Variants in LRWD1 observed in about 807,000 individuals in gnomAD.
LRWD1 encodes the protein leucine-rich repeat and WD repeat-containing protein 1.
In LRWD1, 76 loss-of-function variants were observed where a neutral mutation model predicts 75.6. The ratio of observed to expected loss-of-function variants is 1.01; its 90% CI spans 0.84 to 1.22. LRWD1 has a LOEUF of 1.22. Ranked by LOEUF, LRWD1 falls within the 50% of genes most tolerant of loss-of-function variation. The pLI is 0.00. For synonymous variants in LRWD1, 487 were observed against 377.0 expected (o/e 1.29, Z -3.38); for missense variants, 917 against 862.0 (o/e 1.06, Z -0.80).
At chr7:102,465,657 G>T in intron 1 of LRWD1, 160 bp from the exon 2 acceptor site, 1 of 623,420 alleles carries the variant, frequency 1.6e-6, no homozygotes, top group Non-Finnish European at 2.8e-6. Flanking sequence ...AGGCGACTGA[G>T]TGACACCCCG....
chr7:102,469,516 G>A lies in LRWD1; in HGVS notation c.1229-58G>A. 1.9e-6 allele frequency: 3 copies of A among 1,595,206 alleles called. No individual in the cohort carries two copies. The South Asian group carries it at 3.3e-5, about 18-fold the overall frequency. On this transcript the variant is annotated intron_variant, in intron 9 of 14. Coordinates refer to ENST00000292616, the MANE Select transcript of LRWD1 (RefSeq NM_152892.3). ...GTGGGCTCAGCCTGGGATGCAGCCA[G>A]CAGGAGGGAGCAGGGTCATCTCAGG...
intron 4 of LRWD1, 45 bp downstream of exon 4, chr7:102,467,524 C>T (rs1798047661): frequency 1.9e-6 from 3 of 1,602,506 alleles, no homozygotes; most frequent in Non-Finnish European, 2.6e-6. Flanking sequence ...GCTCTCGTAT[C>T]TCTAGCTGCC....
intron 11 of LRWD1, 95 bp from the exon 12 acceptor site, chr7:102,472,122 GC>G (rs1798211108): frequency 2.2e-5 from 25 of 1,114,310 alleles, no homozygotes; most frequent in Non-Finnish European, 3.1e-5. Flanking sequence ...TTCACACAGG[GC>G]AGGGTCCCCA....
chr7:102,468,530 G>T (rs771720783), intron 7 of LRWD1, 24 bp from the exon 8 acceptor site: 2 of 1,556,314 alleles, frequency 1.3e-6, no homozygotes, highest in Admixed American at 3.9e-5. Flanking sequence ...CTGCTCATCC[G>T]ACCTCTCAAA....
At chr7:102,467,286 G>A in intron 3 of LRWD1, 53 bp from the exon 4 acceptor site, 1 of 1,536,750 alleles carries the variant, frequency 6.5e-7, no homozygotes, top group Non-Finnish European at 8.8e-7. Context: ...TGGAGGGCTG[G>A]GTCCGGAGGA....
At position 102,465,001 on chromosome 7, in the gene LRWD1, G is replaced by C; in HGVS notation, c.-80G>C. On this transcript the variant is annotated 5_prime_UTR_variant, in exon 1 of 15. Coordinates refer to ENST00000292616, the MANE Select transcript of LRWD1 (RefSeq NM_152892.3). ...CTGGGCTCAGTTACCGCGGACGCCA[G>C]TGCCGGGCTCCAGGAGACGCAGGGC... The C allele has an allele frequency of 7.3e-7, 1 of 1,366,968 alleles. No individual in the cohort carries two copies. Among genetic ancestry groups the C allele is most frequent in the Non-Finnish European group, 9.5e-7 (1 of 1,054,286 alleles). 84.7% of individuals were successfully genotyped at this position (1,366,968 alleles called of 1,614,324 possible). A position where few individuals can be genotyped will look rare whatever the true frequency, so the allele number is the denominator to read the frequency against.
chr7:102,472,153 C>T, intron 11 of LRWD1, 65 bp from the exon 12 acceptor site: 2 of 1,458,324 alleles, frequency 1.4e-6, no homozygotes, highest in Non-Finnish European at 1.9e-6. Flanking sequence ...CTGCAGATGC[C>T]TGGGTGAGTG....
chr7:102,465,488 G>GTTTTTTTTTTTTTTTTTTTTTT (rs1797932813), intron 1 of LRWD1: 1 of 107,646 alleles, frequency 9.3e-6, no homozygotes, highest in African/African-American at 5.0e-5. Context: ...AGTAGTTGCA[G>GTTTTTTTTTTTTTTTTTTTTTT]CTTTTTTTTT....
In LRWD1 at chr7:102,472,506, G is replaced by A. The variant is rs936391919; in HGVS notation, c.1587G>A (p.Thr529=). ...GTICLWSWRQ[T]WGGRGSQSTV... ...TCTGCCTGTGGAGCTGGAGGCAGAC[G>A]TGGGGGGGCCGGGGCAGCCAGTCCA... The change falls in exon 13 of 15, where the codon ACG becomes ACA. Residue 529 remains threonine, a synonymous_variant. Coordinates refer to ENST00000292616, the MANE Select transcript of LRWD1 (RefSeq NM_152892.3). 41 of 1,553,012 alleles carry A rather than the reference G, an allele frequency of 2.6e-5. No homozygotes were observed. Among genetic ancestry groups the A allele is most frequent in the Non-Finnish European group, 3.0e-5 (35 of 1,149,746 alleles).
At position 102,472,318 on chromosome 7, in the gene LRWD1, G is replaced by A; in HGVS notation, c.1534+9G>A. The A allele has an allele frequency of 1.3e-6, 2 of 1,565,300 alleles. No homozygotes were observed. Among genetic ancestry groups the A allele is most frequent in the Non-Finnish European group, 1.7e-6 (2 of 1,153,556 alleles). The stretch of plus-strand genomic sequence containing the variant: ...GAATGAGGACATCGTGGGTGAGTGA[G>A]CTCAGCTTGTGGGACAGCCTGGCCT... On this transcript the variant is annotated intron_variant, in intron 12 of 14. Transcript: ENST00000292616.
At position 102,465,117 on chromosome 7, in the gene LRWD1, G is replaced by A; in HGVS notation, c.37G>A (p.Gly13Arg). The change falls in exon 1 of 15, where the codon GGG (glycine) becomes AGG (arginine). Residue 13 changes from glycine (G) to arginine (R), a missense_variant. Coordinates refer to ENST00000292616, the MANE Select transcript of LRWD1 (RefSeq NM_152892.3). Reference protein sequence around the residue: ...PLSARLLMQRGRPKSDRLGKI... With the variant: ...PLSARLLMQRRRPKSDRLGKI... ...CTCGGCGCGGCTGCTAATGCAGCGCGGGCGCCCCAAGAGCGACCGGCTGGG... is the reference window on the plus strand; with the variant it reads ...CTCGGCGCGGCTGCTAATGCAGCGCAGGCGCCCCAAGAGCGACCGGCTGGG... 6.6e-7 allele frequency: 1 copy of A among 1,514,712 alleles called. No homozygotes were observed. Among genetic ancestry groups the A allele is most frequent in the Non-Finnish European group, 8.8e-7 (1 of 1,135,518 alleles). 93.8% of individuals were successfully genotyped at this position (1,514,712 alleles called of 1,614,324 possible).
At position 102,467,768 on chromosome 7, in the gene LRWD1, A is replaced by T; in HGVS notation, c.623A>T (p.Gln208Leu). The change falls in exon 5 of 15, where the codon CAA (glutamine) becomes CTA (leucine). Residue 208 changes from glutamine (Q) to leucine (L), a missense_variant. Physicochemically the swap from Gln to Leu is moderately radical, Grantham distance 113. Coordinates refer to ENST00000292616, the MANE Select transcript of LRWD1 (RefSeq NM_152892.3). The stretch of plus-strand genomic sequence containing the variant: ...GTGGCCGCCAGTAGGACCCAGGTGC[A>T]AAAGGCTAACAGCCCAGAGAAGCCC... ...ELVAASRTQV[Q>L]KANSPEKPPE... is the part of the protein sequence containing the mutation. The T allele has an allele frequency of 6.4e-7, 1 of 1,552,094 alleles. No homozygotes were observed. Among genetic ancestry groups the T allele is most frequent in the South Asian group, 1.2e-5 (1 of 84,070 alleles).
intron 7 of LRWD1, 88 bp downstream of exon 7, chr7:102,468,465 C>A: frequency 6.5e-7 from 1 of 1,535,154 alleles, no homozygotes. Flanking sequence ...GCTTAAAAGG[C>A]GCCATCAAGG....
intron 11 of LRWD1, 102 bp from the exon 12 acceptor site, chr7:102,472,115 AC>A: frequency 2.8e-6 from 3 of 1,056,762 alleles, no homozygotes; most frequent in Non-Finnish European, 2.9e-6. Flanking sequence ...TGCAGCCTTC[AC>A]ACAGGGCAGG....
intron 3 of LRWD1, 79 bp downstream of exon 3, chr7:102,466,349 A>G (rs1051428380): frequency 6.5e-5 from 77 of 1,192,488 alleles, no homozygotes; most frequent in Non-Finnish European, 8.7e-5. Context: ...CATCAGGAGG[A>G]TGTTGAGGAG....
chr7:102,465,489 CTTTTTTTTTTTTTTTT>C (rs1007523343), intron 1 of LRWD1: 19 of 73,746 alleles, frequency 2.6e-4, no homozygotes, highest in African/African-American at 1.2e-3. Context: ...GTAGTTGCAG[CTTTTTTTTTTTTTTTT>C]TTTTTTTTTT....
rs986641243 is a variant in LRWD1, at chr7:102,466,224, C to A, written c.386C>A (p.Ser129Ter). 1.2e-6 allele frequency: 2 copies of A among 1,614,032 alleles called. No individual in the cohort carries two copies. Among genetic ancestry groups the A allele is most frequent in the African/African-American group, 2.7e-5 (2 of 74,930 alleles). ...LRKVNGKDAS[S>*]TYSQVENLNR... ...AAGGTCAATGGCAAGGATGCGTCCT[C>A]AACTTACTCTCAGGTGGAGAACCTG... is the stretch of plus-strand genomic sequence containing the variant. Residue 129 changes from serine (S) to a stop codon, truncating the protein, a stop_gained, in exon 3 of 15, where the codon TCA becomes TAA. Coordinates refer to ENST00000292616, the MANE Select transcript of LRWD1 (RefSeq NM_152892.3). LOFTEE classifies it high-confidence loss of function.
chr7:102,469,706 GGGTCTGAT>G (rs1798128251), intron 10 of LRWD1, 28 bp from the exon 11 acceptor site: 8 of 1,613,300 alleles, frequency 5.0e-6, no homozygotes, highest in Non-Finnish European at 5.9e-6. Flanking sequence ...ACCTCGGTCT[GGGTCTGAT>G]GCTCTGTTCC....
rs771241277 is a variant in LRWD1 at position 102,472,770 on chromosome 7, C to G, written c.1769C>G (p.Pro590Arg). 6.2e-7 allele frequency: 1 copy of G among 1,613,462 alleles called. No homozygotes were observed. The highest frequency in any genetic ancestry group is 1.3e-5 in the African/African-American group (1 of 75,054). Residue 590 changes from proline (P) to arginine (R), a missense_variant, in exon 14 of 15, where the codon CCC (proline) becomes CGC (arginine). Transcript: ENST00000292616. ...GTCAGCAACATCCTGAAGCAGCCAC[C>G]CCTGCTGCCGGCAGCCCTGCAGGCC... is the stretch of plus-strand genomic sequence containing the variant. ...YDVSNILKQP[P>R]LLPAALQAPT... is the part of the protein sequence containing the mutation.
Sources: gnomAD v4.1 joint callset for allele counts on GRCh38, gnomAD v4.1.1 for gene constraint, MANE v1.5 for transcripts, NCBI Gene and HGNC (gene_info 2026-07-23, HGNC 2026-07-21) for gene names.